SMC3: variants seen among roughly 807,000 people sequenced by gnomAD.
SMC3 encodes the protein structural maintenance of chromosomes 3.
In SMC3, 20 loss-of-function variants were observed where a neutral mutation model predicts 171.8. The observed-to-expected ratio is 0.12, with a 90% CI of 0.08 to 0.17. The LOEUF (loss-of-function observed/expected upper bound fraction) is 0.17, where lower values mean the gene tolerates loss of function less well. SMC3 is among the 10% of genes least tolerant of loss of function. SMC3 has a pLI of 1.00. For missense variants in SMC3, 543 were observed against 1,420.4 expected, an observed-to-expected ratio of 0.38 and a Z score of 9.93; for synonymous variants, 464 against 451.1, an observed-to-expected ratio of 1.03 and a Z score of -0.36.
intron 6 of SMC3, 50 bp downstream of exon 6, chr10:110,577,964 G>GA: frequency 1.6e-6 from 2 of 1,258,676 alleles, no homozygotes; most frequent in Non-Finnish European, 2.3e-6. Context: ...CTTAAATAGA[G>GA]ATGGGGTATT....
At chr10:110,597,339 GTA>G (rs1295192469) in intron 19 of SMC3, among the ~76,000 whole-genome samples, 11 of 151,358 alleles carry the variant, frequency 7.3e-5, no homozygotes, top group African/African-American at 2.7e-4. Flanking sequence ...TGAAACAATT[GTA>G]TATGTGGATT....
rs1860800143 is a variant in SMC3, at chr10:110,567,967, A to T, written c.15+136A>T. 4 of 1,098,368 alleles carry T rather than the reference A, an allele frequency of 3.6e-6. No homozygotes were observed. The South Asian group carries it at 5.5e-5, about 15-fold the overall frequency. The allele number at this position is 1,098,368 out of a possible 1,614,324, so 68.0% of individuals were successfully genotyped here. On this transcript the variant is annotated intron_variant, in intron 1 of 28. Transcript: ENST00000361804. Reference sequence around the variant, plus strand: ...CAGGGCTGGGCGGGGACTGTGGGGGAGGAGGGAGACCCGGGTCCCGCTAGT... The same window carrying T: ...CAGGGCTGGGCGGGGACTGTGGGGGTGGAGGGAGACCCGGGTCCCGCTAGT...
chr10:110,576,270 CGTT>C (rs1191733313), intron 4 of SMC3, among the ~76,000 whole-genome samples: 1 of 152,148 alleles, frequency 6.6e-6, no homozygotes, highest in African/African-American at 2.4e-5. Context: ...ACTGCTATCA[CGTT>C]GTCATTCAGC....
intron 18 of SMC3, among the ~76,000 whole-genome samples, chr10:110,593,542 A>T (rs1208763640): frequency 6.6e-6 from 1 of 152,136 alleles, no homozygotes; most frequent in Non-Finnish European, 1.5e-5. Context: ...ACTGCACTCC[A>T]GCTTGGGTGA....
At chr10:110,589,782 A>T (rs1482191227) in intron 14 of SMC3, 74 bp downstream of exon 14, 2 of 1,431,616 alleles carry the variant, frequency 1.4e-6, no homozygotes, top group Non-Finnish European at 2.0e-6. Context: ...TCTTTAAGTT[A>T]CAAGTTAACC....
In SMC3 at chr10:110,599,954, G is replaced by A. The variant is rs1861360532; in HGVS notation, c.2427+142G>A. 2.4e-5 allele frequency: 19 copies of A among 789,082 alleles called. No individual in the cohort carries two copies. In the East Asian group the frequency reaches 4.8e-4, roughly 20 times the overall value. The allele number at this position is 789,082 out of a possible 1,614,324, so 48.9% of individuals were successfully genotyped here. ...GCTTGGACTTTTAATATACATAGGA[G>A]TAAATAAGATTTTGTTTTTCTAAAC... On this transcript the variant is annotated intron_variant, in intron 21 of 28. Coordinates refer to ENST00000361804, the MANE Select transcript of SMC3 (RefSeq NM_005445.4).
At chr10:110,595,086 G>C (rs1221291442) in intron 18 of SMC3, among the ~76,000 whole-genome samples, 1 of 151,632 alleles carries the variant, frequency 6.6e-6, no homozygotes, top group Non-Finnish European at 1.5e-5. Flanking sequence ...AGGTTCAAGC[G>C]ATTCTCCTGC....
chr10:110,593,723 T>C (rs1440274885), intron 18 of SMC3, among the ~76,000 whole-genome samples: 1 of 150,764 alleles, frequency 6.6e-6, no homozygotes, highest in Non-Finnish European at 1.5e-5. Context: ...GTGGCTCACA[T>C]CTATATATAA....
At chr10:110,578,134 C>T (rs188859506) in intron 6 of SMC3, among the ~76,000 whole-genome samples, 95 of 151,966 alleles carry the variant, frequency 6.3e-4, no homozygotes, top group African/African-American at 2.2e-3. Flanking sequence ...AGTGCAGTGG[C>T]GCAGTCTCGG....
intron 16 of SMC3, 92 bp from the exon 17 acceptor site, chr10:110,590,899 C>T (rs986881380): frequency 2.6e-6 from 3 of 1,147,506 alleles, no homozygotes; most frequent in African/African-American, 1.5e-5. Flanking sequence ...CCCAGCTATG[C>T]AGGAGGCTGA....
At chr10:110,575,279 TAA>T in intron 3 of SMC3, 55 bp from the exon 4 acceptor site, 1 of 1,300,696 alleles carries the variant, frequency 7.7e-7, no homozygotes, top group South Asian at 1.2e-5. Context: ...TGGGAAGTTA[TAA>T]ATAAGTTATA....
chr10:110,601,229 A>AT (rs1861382224), intron 23 of SMC3, 99 bp downstream of exon 23: 1 of 901,988 alleles, frequency 1.1e-6, no homozygotes, highest in Non-Finnish European at 1.8e-6. Flanking sequence ...TATGCTAATG[A>AT]TTTTTTGTTT....
At chr10:110,599,042 TAAA>T (rs538467688) in intron 20 of SMC3, among the ~76,000 whole-genome samples, 1 of 140,910 alleles carries the variant, frequency 7.1e-6, no homozygotes, top group Non-Finnish European at 1.6e-5. Context: ...ACAAAGAGCT[TAAA>T]AAAAAAAAAA....
In SMC3 at chr10:110,589,614, C is replaced by A. The variant is rs1359453893; in HGVS notation, c.1315C>A (p.Gln439Lys). 6.3e-7 allele frequency: 1 copy of A among 1,597,850 alleles called. No individual in the cohort carries two copies. The highest frequency in any genetic ancestry group is 8.6e-7 in the Non-Finnish European group (1 of 1,166,046). ...KNLEQYNKLDQDLNEVKARVE... is the reference protein window; with the variant it reads ...KNLEQYNKLDKDLNEVKARVE... ...ATTTTTATTTCCATAGAAACTGGAC[C>A]AGGATCTTAATGAAGTCAAAGCTCG... The change falls in exon 14 of 29, where the codon CAG becomes AAG. Residue 439 changes from glutamine (Q) to lysine (K), a missense_variant. Coordinates refer to ENST00000361804, the MANE Select transcript of SMC3 (RefSeq NM_005445.4).
chr10:110,584,475 T>TA (rs1165801881), intron 13 of SMC3, 79 bp downstream of exon 13: 1 of 1,010,302 alleles, frequency 9.9e-7, no homozygotes, highest in African/African-American at 1.6e-5. Flanking sequence ...TCAAGTTTTC[T>TA]TTTTAAATAA....
chr10:110,602,181 A>G lies in SMC3; in HGVS notation c.3105+3A>G, dbSNP rs745657228. On this transcript the variant is annotated splice_donor_region_variant and intron_variant, in intron 25 of 28. Coordinates refer to ENST00000361804, the MANE Select transcript of SMC3 (RefSeq NM_005445.4). ...CTATTCAGTTAACTTTCAAACAGGT[A>G]TGTTTCGCTTTGTAGTTAAAACATA... 4.3e-6 allele frequency: 7 copies of G among 1,610,096 alleles called. No individual in the cohort carries two copies. The highest frequency in any genetic ancestry group is 1.7e-5 in the Admixed American group (1 of 60,016).
chr10:110,581,061 A>G, intron 8 of SMC3, 40 bp downstream of exon 8: 1 of 1,140,864 alleles, frequency 8.8e-7, no homozygotes, highest in African/African-American at 1.5e-5. Context: ...TTTGTTGCAA[A>G]TTACTGTTTT....
At chr10:110,592,611 T>C (rs1590563271) in intron 17 of SMC3, among the ~76,000 whole-genome samples, 1 of 152,368 alleles carries the variant, frequency 6.6e-6, no homozygotes, top group East Asian at 1.9e-4. Flanking sequence ...TTAAAACATT[T>C]TGAGGAAGTA....
intron 13 of SMC3, among the ~76,000 whole-genome samples, chr10:110,589,153 G>A (rs1198870240): frequency 6.6e-6 from 1 of 152,060 alleles, no homozygotes; most frequent in East Asian, 1.9e-4. Flanking sequence ...ACTTTGGGAG[G>A]CCGAGACGGG....
Sources: gnomAD v4.1 joint callset for allele counts (sites outside exome capture counted in the v4.1 genomes callset) on GRCh38, gnomAD v4.1.1 for gene constraint, MANE v1.5 for transcripts, NCBI Gene and HGNC (gene_info 2026-07-23, HGNC 2026-07-21) for gene names.